FLRT1: variants seen among roughly 807,000 people sequenced by gnomAD.
FLRT1 encodes leucine-rich repeat transmembrane protein FLRT1.
In FLRT1, 14 loss-of-function variants were observed where a neutral mutation model predicts 30.9. The ratio of observed to expected loss-of-function variants is 0.45; its 90% CI spans 0.30 to 0.71. FLRT1 has a LOEUF of 0.71. Among genes scored for constraint, FLRT1 ranks in the 30% least tolerant of loss-of-function variants. The pLI, the probability that FLRT1 is intolerant of heterozygous loss-of-function variation, is 0.08. For missense variants in FLRT1, 737 were observed against 949.2 expected, an observed-to-expected ratio of 0.78 and a Z score of 2.94; for synonymous variants, 368 against 430.4, an observed-to-expected ratio of 0.85 and a Z score of 1.80.
At chr11:64,104,567 G>T (rs111390900) in intron 2 of FLRT1, among the ~76,000 whole-genome samples, 5 of 152,258 alleles carry the variant, frequency 3.3e-5, no homozygotes, top group African/African-American at 4.8e-5. Context: ...GTGGTGGGCA[G>T]GAGCTCTGGT....
At chr11:64,107,865 C>A (rs1353172968) in intron 2 of FLRT1, among the ~76,000 whole-genome samples, 1 of 152,226 alleles carries the variant, frequency 6.6e-6, no homozygotes, top group Non-Finnish European at 1.5e-5. Context: ...GCCCCACTCA[C>A]ACGACTCAAG....
Position 64,090,874 on chromosome 11 carries a change from T to C in FLRT1, c.-1037-12320T>C, listed in dbSNP as rs1461678103. ...TCCCAGGGAGCCCTGAGGGACGAAG[T>C]AAAGCAGGAGAGGGCAGGGGGAGGG... On this transcript the variant is annotated intron_variant, in intron 1 of 2. Transcript: ENST00000682287. This position sits in a 1 kb window ranked among gnomAD's most constrained non-coding sequence, Gnocchi z 4.7. 6.6e-6 allele frequency among the ~76,000 whole-genome samples: 1 copy of C among 151,654 alleles called. No individual in the cohort carries two copies. Among genetic ancestry groups the C allele is most frequent in the Non-Finnish European group, 1.5e-5 (1 of 67,902 alleles).
chr11:64,043,245 C>T (rs535375826), intron 1 of FLRT1, among the ~76,000 whole-genome samples: 11 of 152,290 alleles, frequency 7.2e-5, no homozygotes, highest in African/African-American at 2.4e-4. Context: ...GGACAGGCCC[C>T]GCCAGACACG....
At chr11:64,112,107 A>G (rs1944873316) in intron 2 of FLRT1, among the ~76,000 whole-genome samples, 1 of 152,240 alleles carries the variant, frequency 6.6e-6, no homozygotes, top group Non-Finnish European at 1.5e-5. Context: ...CGAGTCCATC[A>G]CAGTTTCTCC....
rs199526588 is a variant in FLRT1 at position 64,117,593 on chromosome 11, C to T, written c.1326C>T (p.His442=). Residue 442 remains histidine (H), a synonymous_variant, in exon 3 of 3, where the codon CAC becomes CAT. Coordinates refer to ENST00000682287, the MANE Select transcript of FLRT1 (RefSeq NM_013280.5). ...TGDGAKTLAI[H]VKALTADSIR... ...ATGGCGCCAAGACCCTGGCCATCCACGTGAAGGCCCTGACGGCAGACTCCA... is the reference window on the plus strand; with the variant it reads ...ATGGCGCCAAGACCCTGGCCATCCATGTGAAGGCCCTGACGGCAGACTCCA... The T allele has an allele frequency of 6.2e-5, 100 of 1,612,930 alleles. No individual in the cohort carries two copies. Among genetic ancestry groups the T allele is most frequent in the Non-Finnish European group, 7.7e-5 (91 of 1,179,436 alleles).
Position 64,067,754 on chromosome 11 carries a change from A to AACTGGGGGTGGCCCC in FLRT1, c.-1038+31597_-1038+31611dup, listed in dbSNP as rs1203970147. Among the ~76,000 whole-genome samples, 1 of 152,148 alleles carries AACTGGGGGTGGCCCC rather than the reference A, an allele frequency of 6.6e-6. No individual in the cohort carries two copies. The highest frequency in any genetic ancestry group is 1.5e-5 in the Non-Finnish European group (1 of 68,020). On this transcript the variant is annotated intron_variant, in intron 1 of 2. Transcript: ENST00000682287. This position sits in a 1 kb window ranked among gnomAD's most constrained non-coding sequence, Gnocchi z 4.6. ...CGCAGGCTGCCACCCCCAGCTTGTGAACTGGGGGTGGCCCCAGAGCTGTTT... is the reference window on the plus strand; with the variant it reads ...CGCAGGCTGCCACCCCCAGCTTGTGAACTGGGGGTGGCCCCACTGGGGGTGGCCCCAGAGCTGTTT...
intron 1 of FLRT1, among the ~76,000 whole-genome samples, chr11:64,037,114 T>A (rs931787507): frequency 6.6e-6 from 1 of 151,934 alleles, no homozygotes; most frequent in Non-Finnish European, 1.5e-5. Flanking sequence ...AGAGCTCTGA[T>A]GTGAATAAAT....
chr11:64,053,392 T>C (rs1362885456), intron 1 of FLRT1, among the ~76,000 whole-genome samples: 2 of 152,230 alleles, frequency 1.3e-5, no homozygotes, highest in Non-Finnish European at 2.9e-5. Flanking sequence ...GCCCATGGTT[T>C]CCTGCAGATC....
chr11:64,072,982 G>A (rs1944136264), intron 1 of FLRT1, among the ~76,000 whole-genome samples: 1 of 152,198 alleles, frequency 6.6e-6, no homozygotes, highest in African/African-American at 2.4e-5. Flanking sequence ...TCTTCTGAAG[G>A]GTCCTGCAGC....
At chr11:64,116,024 C>T (rs536063543) in intron 2 of FLRT1, among the ~76,000 whole-genome samples, 195 bp from the exon 3 acceptor site, 1 of 152,316 alleles carries the variant, frequency 6.6e-6, no homozygotes, top group South Asian at 2.1e-4. Flanking sequence ...TTGTTAGAGT[C>T]CGACCTCGGC....
intron 1 of FLRT1, among the ~76,000 whole-genome samples, chr11:64,063,639 G>T (rs1943944300): frequency 6.6e-6 from 1 of 152,212 alleles, no homozygotes; most frequent in Non-Finnish European, 1.5e-5. Flanking sequence ...GAGGAGTGGG[G>T]TTTGTGTGAC....
In FLRT1 at chr11:64,116,234, G is replaced by A. The variant is rs769622159; in HGVS notation, c.-34G>A. ...CTCCTTGCAGGTATTCAGGCTCCAG[G>A]CCAGGTGGGGCCGGACGCCCCCAGC... On this transcript the variant is annotated 5_prime_UTR_variant, in exon 3 of 3. Coordinates refer to ENST00000682287, the MANE Select transcript of FLRT1 (RefSeq NM_013280.5). 9.5e-6 allele frequency: 15 copies of A among 1,573,410 alleles called. No homozygotes were observed. The highest frequency in any genetic ancestry group is 3.5e-5 in the South Asian group (3 of 86,310).
At position 64,118,117 on chromosome 11, in the gene FLRT1, C is replaced by G; in HGVS notation, c.1850C>G (p.Pro617Arg). 1 of 1,612,842 alleles carries G rather than the reference C, an allele frequency of 6.2e-7. No individual in the cohort carries two copies. Among genetic ancestry groups the G allele is most frequent in the Non-Finnish European group, 8.5e-7 (1 of 1,179,150 alleles). Reference sequence around the variant, plus strand: ...AACTCCATCCTGGAAATCCGCGGCCCTGGGCTGCAGATGCTGCCCATCAAC... The same window carrying G: ...AACTCCATCCTGGAAATCCGCGGCCGTGGGCTGCAGATGCTGCCCATCAAC... ...KDNSILEIRG[P>R]GLQMLPINPY... Residue 617 changes from proline to arginine, a missense_variant, in exon 3 of 3, where the codon CCT becomes CGT. Physicochemically the swap from Pro to Arg is moderately radical, Grantham distance 103. Coordinates refer to ENST00000682287, the MANE Select transcript of FLRT1 (RefSeq NM_013280.5).
chr11:64,058,597 G>T (rs558136430), intron 1 of FLRT1, among the ~76,000 whole-genome samples: 6 of 152,356 alleles, frequency 3.9e-5, no homozygotes, highest in African/African-American at 1.4e-4. Context: ...GGCAGCTGCC[G>T]GGTGCAGCGG....
chr11:64,058,596 C>T lies in FLRT1; in HGVS notation c.-1038+22437C>T, dbSNP rs538566572. On this transcript the variant is annotated intron_variant, in intron 1 of 2. Coordinates refer to ENST00000682287, the MANE Select transcript of FLRT1 (RefSeq NM_013280.5). ...GGGTGGTGGAGGAGCCGGCAGCTGC[C>T]GGGTGCAGCGGGCACGGCCCTGTAA... Among the ~76,000 whole-genome samples the T allele has an allele frequency of 6.6e-5, 10 of 152,354 alleles. No individual in the cohort carries two copies. The South Asian group carries it at 1.4e-3, about 22-fold the overall frequency.
At chr11:64,095,738 T>C (rs1019859056) in intron 1 of FLRT1, among the ~76,000 whole-genome samples, 2 of 152,186 alleles carry the variant, frequency 1.3e-5, no homozygotes, top group East Asian at 3.9e-4. Context: ...AGGGAGGTGC[T>C]GCACACTGGA....
chr11:64,063,085 CAT>C (rs1252616476), intron 1 of FLRT1, among the ~76,000 whole-genome samples: 1 of 152,156 alleles, frequency 6.6e-6, no homozygotes, highest in Non-Finnish European at 1.5e-5. Context: ...GTTTAGTCTC[CAT>C]ATGAGTGGAA....
intron 1 of FLRT1, among the ~76,000 whole-genome samples, chr11:64,079,353 G>A (rs916517988): frequency 6.6e-6 from 1 of 151,974 alleles, no homozygotes; most frequent in African/African-American, 2.4e-5. Flanking sequence ...TACGGTTAAA[G>A]GGGAGACAGA....
intron 1 of FLRT1, among the ~76,000 whole-genome samples, chr11:64,071,502 C>T (rs980695929): frequency 6.6e-5 from 10 of 152,286 alleles, no homozygotes; most frequent in Admixed American, 3.9e-4. Flanking sequence ...TTGGCCAGCT[C>T]GCCCAGGAGT....
Sources: gnomAD v4.1 joint callset for allele counts (sites outside exome capture counted in the v4.1 genomes callset) on GRCh38, gnomAD v4.1.1 for gene constraint, Gnocchi (gnomAD v3.1) non-coding constraint, MANE v1.5 for transcripts, NCBI Gene and HGNC (gene_info 2026-07-23, HGNC 2026-07-21) for gene names.